TBL1XR1: variants seen among roughly 807,000 people sequenced by gnomAD.
TBL1XR1 encodes the protein TBL1X/Y related 1, also known as F-box-like/WD repeat-containing protein TBL1XR1.
A neutral mutation model predicts 66.9 loss-of-function variants in TBL1XR1; 5 were observed. That is an observed-to-expected ratio of 0.07 (90% CI 0.04 to 0.16). The LOEUF (loss-of-function observed/expected upper bound fraction) is 0.16. Ranked by LOEUF, TBL1XR1 falls within the 10% of genes least tolerant of loss-of-function variation. The pLI, the probability that TBL1XR1 is intolerant of heterozygous loss-of-function variation, is 1.00. For synonymous variants in TBL1XR1, 210 were observed against 206.0 expected, an observed-to-expected ratio of 1.02 and a Z score of -0.17; for missense variants, 238 against 623.2, an observed-to-expected ratio of 0.38 and a Z score of 6.58.
At chr3:177,147,561 A>G (rs1444341656) in intron 1 of TBL1XR1, among the ~76,000 whole-genome samples, 6 of 152,154 alleles carry the variant, frequency 3.9e-5, no homozygotes, top group Non-Finnish European at 8.8e-5. Context: ...CGCAAAATGT[A>G]TTTCTCATTT....
rs148659524 is a variant in TBL1XR1, at chr3:177,024,713, G to GAAAAAAAAAAAAAAAAAAAAAAAAAAA, written c.*784_*785insTTTTTTTTTTTTTTTTTTTTTTTTTTT. On this transcript the variant is annotated 3_prime_UTR_variant, in exon 16 of 16. Transcript: ENST00000457928. ...AGCCACATCACCAAAAAACAAAAAA[G>GAAAAAAAAAAAAAAAAAAAAAAAAAAA]AAAAAAAAAAAAAAAAAGCAAAACA... 1 of 85,394 alleles carries GAAAAAAAAAAAAAAAAAAAAAAAAAAA rather than the reference G, an allele frequency of 1.2e-5. No homozygotes were observed. The highest frequency in any genetic ancestry group is 2.5e-5 in the Non-Finnish European group (1 of 39,964). 5.3% of individuals were successfully genotyped at this position (85,394 alleles called of 1,614,324 possible).
chr3:177,100,429 T>C (rs78060044), intron 1 of TBL1XR1, among the ~76,000 whole-genome samples: 5,848 of 146,138 alleles, frequency 0.04, 155 homozygotes, highest in East Asian at 0.11. Flanking sequence ...AATAATGTAC[T>C]TTTTTTTTTT....
intron 1 of TBL1XR1, among the ~76,000 whole-genome samples, chr3:177,180,754 G>C (rs1304175659): frequency 7.2e-6 from 1 of 138,320 alleles, no homozygotes; most frequent in Non-Finnish European, 1.5e-5. Context: ...TTTTTTTTTT[G>C]AGACGGAGAT....
In TBL1XR1 at chr3:177,061,483, T is replaced by C. The variant is rs74447136; in HGVS notation, c.58+3437A>G. On this transcript the variant is annotated intron_variant, in intron 3 of 15. Transcript: ENST00000457928. Reference sequence around the variant, plus strand: ...ATTTATCAAAACATAAAAACTTTCATAATGTGTTTTTGGACAGTCTTTGAT... The same window carrying C: ...ATTTATCAAAACATAAAAACTTTCACAATGTGTTTTTGGACAGTCTTTGAT... Among the ~76,000 whole-genome samples the C allele has an allele frequency of 1.0e-3, 159 of 152,320 alleles. 3 individuals carry two copies. The East Asian group carries it at 0.016, about 15-fold the overall frequency.
intron 1 of TBL1XR1, among the ~76,000 whole-genome samples, chr3:177,136,540 A>G (rs1199641231): frequency 6.6e-6 from 1 of 152,202 alleles, no homozygotes; most frequent in African/African-American, 2.4e-5. Context: ...TAGGCCTCCC[A>G]AAGTGCTGGG....
intron 2 of TBL1XR1, among the ~76,000 whole-genome samples, chr3:177,066,060 T>C (rs891972192): frequency 6.6e-6 from 1 of 152,202 alleles, no homozygotes; most frequent in East Asian, 1.9e-4. Flanking sequence ...TTAAAAATGA[T>C]ATATTCACAT....
intron 2 of TBL1XR1, among the ~76,000 whole-genome samples, 174 bp downstream of exon 2, chr3:177,098,292 T>G (rs1247883962): frequency 6.6e-6 from 1 of 152,128 alleles, no homozygotes; most frequent in African/African-American, 2.4e-5. Flanking sequence ...AAAGTTATTT[T>G]TAAATACTTT....
At chr3:177,179,117 C>CAAAAA (rs71178099) in intron 1 of TBL1XR1, among the ~76,000 whole-genome samples, 23 of 107,424 alleles carry the variant, frequency 2.1e-4, no homozygotes, top group African/African-American at 7.7e-4. Flanking sequence ...AACTACGTCT[C>CAAAAA]AAAAAAAAAA....
At chr3:177,047,189 A>G in intron 9 of TBL1XR1, 111 bp downstream of exon 9, 1 of 849,046 alleles carries the variant, frequency 1.2e-6, no homozygotes. Context: ...ATAAATTCCT[A>G]TGTGAATTTC....
At chr3:177,138,603 AAG>A (rs1470229783) in intron 1 of TBL1XR1, among the ~76,000 whole-genome samples, 2 of 129,492 alleles carry the variant, frequency 1.5e-5, no homozygotes, top group Non-Finnish European at 3.6e-5. Flanking sequence ...GAGAAAAAAA[AAG>A]GGAGAGGGGG....
At chr3:177,164,933 A>G (rs1250230712) in intron 1 of TBL1XR1, among the ~76,000 whole-genome samples, 1 of 152,180 alleles carries the variant, frequency 6.6e-6, no homozygotes, top group Admixed American at 6.5e-5. Flanking sequence ...ATTTTTAAAC[A>G]TATGTTCGAG....
At chr3:177,097,865 T>C (rs989457958) in intron 2 of TBL1XR1, among the ~76,000 whole-genome samples, 1 of 152,172 alleles carries the variant, frequency 6.6e-6, no homozygotes, top group Non-Finnish European at 1.5e-5. Context: ...TATAACAATA[T>C]TTTTCATCCT....
At chr3:177,092,719 G>GAAA (rs11399492) in intron 2 of TBL1XR1, among the ~76,000 whole-genome samples, 2 of 147,242 alleles carry the variant, frequency 1.4e-5, no homozygotes, top group Non-Finnish European at 3.0e-5. Flanking sequence ...GTTTTTCAAG[G>GAAA]AAAAAAAAAA....
chr3:177,095,027 A>T (rs1723289676), intron 2 of TBL1XR1, among the ~76,000 whole-genome samples: 1 of 137,272 alleles, frequency 7.3e-6, no homozygotes, highest in South Asian at 2.3e-4. Flanking sequence ...ATGGAATCTC[A>T]TTCTGCCTTA....
intron 10 of TBL1XR1, among the ~76,000 whole-genome samples, chr3:177,041,396 G>C (rs918636441): frequency 3.3e-5 from 5 of 152,058 alleles, no homozygotes; most frequent in African/African-American, 1.2e-4. Flanking sequence ...GCTGAGACTG[G>C]GCCTTTCTTC....
intron 13 of TBL1XR1, among the ~76,000 whole-genome samples, chr3:177,033,409 G>C (rs545615582): frequency 6.6e-6 from 1 of 152,138 alleles, no homozygotes; most frequent in Non-Finnish European, 1.5e-5. Flanking sequence ...CCAAGTCCAG[G>C]AGTAGAAAAC....
At chr3:177,127,302 A>C (rs1193125301) in intron 1 of TBL1XR1, among the ~76,000 whole-genome samples, 2 of 152,200 alleles carry the variant, frequency 1.3e-5, no homozygotes, top group African/African-American at 4.8e-5. Flanking sequence ...ACATCTTAAA[A>C]GTGTTTAAAA....
At chr3:177,069,784 A>AAGGAAGGAAAGGAAGGGAAGGAAGGG (rs781727707) in intron 2 of TBL1XR1, among the ~76,000 whole-genome samples, 2 of 39,526 alleles carry the variant, frequency 5.1e-5, no homozygotes, top group African/African-American at 3.2e-4. Context: ...AAAGGAAGGA[A>AAGGAAGGAAAGGAAGGGAAGGAAGGG]AAGGAAGGAA....
intron 1 of TBL1XR1, among the ~76,000 whole-genome samples, chr3:177,167,787 C>T (rs906439075): frequency 2.0e-5 from 3 of 151,976 alleles, no homozygotes; most frequent in African/African-American, 7.3e-5. Flanking sequence ...AAAAATTAGC[C>T]AGGCGTAGTG....
Sources: gnomAD v4.1 joint callset for allele counts (sites outside exome capture counted in the v4.1 genomes callset) on GRCh38, gnomAD v4.1.1 for gene constraint, MANE v1.5 for transcripts, NCBI Gene and HGNC (gene_info 2026-07-23, HGNC 2026-07-21) for gene names.